Variants in PRKD1 observed in about 807,000 individuals in gnomAD.
PRKD1 encodes the protein protein kinase D1.
Under a neutral mutation model 95.9 loss-of-function variants are expected in PRKD1, and 63 were observed. That is an observed-to-expected ratio of 0.66 (90% CI 0.54 to 0.81). The LOEUF (loss-of-function observed/expected upper bound fraction) is 0.81. Among genes scored for constraint, PRKD1 ranks in the 30% least tolerant of loss-of-function variants. The probability of loss-of-function intolerance (pLI) is 0.00; values close to 1 mark genes in which losing one functional copy is unlikely to be tolerated. For missense variants in PRKD1, 1,048 were observed against 1,165.3 expected (o/e 0.90, Z 1.47); for synonymous variants, 425 against 423.1 (o/e 1.00, Z -0.05).
chr14:29,853,645 A>G (rs974162386), intron 1 of PRKD1, among the ~76,000 whole-genome samples: 1 of 152,204 alleles, frequency 6.6e-6, no homozygotes, highest in Non-Finnish European at 1.5e-5. Context: ...GCTAAGTTAC[A>G]CTTGTGGAAG....
chr14:29,752,640 T>G (rs1402048828), intron 1 of PRKD1, among the ~76,000 whole-genome samples: 3 of 151,810 alleles, frequency 2.0e-5, no homozygotes, highest in South Asian at 2.1e-4. Context: ...GATAACACTT[T>G]CTTATGCAAA....
intron 2 of PRKD1, among the ~76,000 whole-genome samples, chr14:29,701,137 TATCTG>T (rs1226330659): frequency 6.6e-6 from 1 of 152,230 alleles, no homozygotes; most frequent in African/African-American, 2.4e-5. Context: ...CAGGTGGTTA[TATCTG>T]ATCTTTTCAT....
chr14:29,877,547 T>C (rs956021581), intron 1 of PRKD1, among the ~76,000 whole-genome samples: 4 of 152,224 alleles, frequency 2.6e-5, no homozygotes, highest in Non-Finnish European at 5.9e-5. Context: ...GGCATGTTTG[T>C]CATGAAATTT....
intron 1 of PRKD1, among the ~76,000 whole-genome samples, chr14:29,732,354 T>C (rs1886481846): frequency 6.7e-6 from 1 of 149,938 alleles, no homozygotes. Context: ...CTGGTTTATT[T>C]GTATAATTAT....
At chr14:29,839,093 G>GA (rs903113287) in intron 1 of PRKD1, among the ~76,000 whole-genome samples, 24 of 149,532 alleles carry the variant, frequency 1.6e-4, no homozygotes, top group South Asian at 4.2e-4. Flanking sequence ...ATCAATAAAC[G>GA]AAAAAAAAAA....
chr14:29,639,237 T>C (rs756036162), intron 4 of PRKD1, among the ~76,000 whole-genome samples: 19 of 152,192 alleles, frequency 1.2e-4, no homozygotes, highest in Non-Finnish European at 2.6e-4. Flanking sequence ...GCAAATATTA[T>C]ATCATTGACA....
intron 16 of PRKD1, among the ~76,000 whole-genome samples, chr14:29,595,221 C>G (rs929467208): frequency 6.6e-6 from 1 of 152,078 alleles, no homozygotes; most frequent in Admixed American, 6.6e-5. Context: ...AATATAAATG[C>G]CTTTTGAATT....
Position 29,599,026 on chromosome 14 carries a change from C to A in PRKD1, c.2166+1G>T. 1 of 1,609,952 alleles carries A rather than the reference C, an allele frequency of 6.2e-7. No individual in the cohort carries two copies. The highest frequency in any genetic ancestry group is 8.5e-7 in the Non-Finnish European group (1 of 1,176,512). ...TTGCTGAGAGAGGCTTTTATACTTG[C>A]CTGAGGAAAAGGATCAGCTGAGGCT... On this transcript the variant is annotated splice_donor_variant, in intron 15 of 17. Coordinates refer to ENST00000331968, the MANE Select transcript of PRKD1 (RefSeq NM_002742.3). LOFTEE classifies it high-confidence loss of function.
chr14:29,791,583 T>G (rs1889549861), intron 1 of PRKD1, among the ~76,000 whole-genome samples: 1 of 152,172 alleles, frequency 6.6e-6, no homozygotes, highest in African/African-American at 2.4e-5. Context: ...TGTACTCTTT[T>G]TATGTGTAAT....
At chr14:29,631,379 G>A (rs752911265) in intron 9 of PRKD1, among the ~76,000 whole-genome samples, 9 of 152,190 alleles carry the variant, frequency 5.9e-5, no homozygotes, top group South Asian at 4.2e-4. Context: ...ATGCATTTAG[G>A]CAGACATGGC....
intron 1 of PRKD1, among the ~76,000 whole-genome samples, chr14:29,781,376 G>A (rs141337247): frequency 2.8e-3 from 424 of 152,214 alleles, no homozygotes; most frequent in Admixed American, 8.8e-3. Context: ...ATAAGACAGA[G>A]GTCCTATCAC....
At chr14:29,758,085 C>A (rs1338662818) in intron 1 of PRKD1, among the ~76,000 whole-genome samples, 2 of 151,860 alleles carry the variant, frequency 1.3e-5, no homozygotes, top group East Asian at 3.9e-4. Context: ...TCTGATTGCA[C>A]TGCATGGAAG....
In PRKD1 at chr14:29,593,163, T is replaced by A. The variant is rs564149888; in HGVS notation, c.2434+4328A>T. ...ATTCACATATGAGTGTTTAGAATAG[T>A]GCCTGGCTACAGGGCAAATACTGTA... On this transcript the variant is annotated intron_variant, in intron 16 of 17. Transcript: ENST00000331968. 3.3e-5 allele frequency among the ~76,000 whole-genome samples: 5 copies of A among 152,276 alleles called. No individual in the cohort carries two copies. The East Asian group carries it at 5.8e-4, about 18-fold the overall frequency.
intron 2 of PRKD1, among the ~76,000 whole-genome samples, chr14:29,723,352 G>T (rs1594459769): frequency 6.6e-6 from 1 of 152,088 alleles, no homozygotes; most frequent in Admixed American, 6.6e-5. Context: ...AAGAGGCAAA[G>T]CCTCTTGGAA....
intron 15 of PRKD1, among the ~76,000 whole-genome samples, chr14:29,598,641 C>A (rs550956853): frequency 6.6e-6 from 1 of 152,160 alleles, no homozygotes; most frequent in Non-Finnish European, 1.5e-5. Flanking sequence ...TAATTCCCTG[C>A]GGAGATAGCT....
chr14:29,854,415 C>G (rs1892421189), intron 1 of PRKD1, among the ~76,000 whole-genome samples: 1 of 152,110 alleles, frequency 6.6e-6, no homozygotes, highest in African/African-American at 2.4e-5. Flanking sequence ...TGCCCCTGCC[C>G]TAGAGATGTG....
At chr14:29,691,050 T>C (rs1254579534) in intron 2 of PRKD1, among the ~76,000 whole-genome samples, 3 of 152,218 alleles carry the variant, frequency 2.0e-5, no homozygotes. Context: ...GCACAGGGCA[T>C]GGCATCAAGT....
At chr14:29,764,201 T>C (rs1888158028) in intron 1 of PRKD1, among the ~76,000 whole-genome samples, 1 of 152,068 alleles carries the variant, frequency 6.6e-6, no homozygotes, top group Admixed American at 6.6e-5. Context: ...ACGTACATGC[T>C]TGGTAAAGAA....
chr14:29,918,005 G>C (rs1441331028), intron 1 of PRKD1, among the ~76,000 whole-genome samples: 1 of 151,946 alleles, frequency 6.6e-6, no homozygotes, highest in Non-Finnish European at 1.5e-5. Context: ...GTGTCATGGG[G>C]GGGCTGTACA....
Sources: allele counts gnomAD v4.1 joint callset (sites outside exome capture counted in the v4.1 genomes callset), GRCh38; gene constraint gnomAD v4.1.1; transcripts MANE v1.5; gene names NCBI Gene and HGNC (gene_info 2026-07-23, HGNC 2026-07-21).